Variants in EEFSEC observed in about 807,000 individuals in gnomAD.
The protein encoded by EEFSEC is selenocysteine-specific elongation factor.
A neutral mutation model predicts 42.1 loss-of-function variants in EEFSEC; 43 were observed. That is an observed-to-expected ratio of 1.02 (90% CI 0.80 to 1.32). The LOEUF (loss-of-function observed/expected upper bound fraction) is 1.32. Among genes scored for constraint, EEFSEC ranks in the 40% most tolerant of loss-of-function variants. EEFSEC has a pLI of 0.00. For synonymous variants in EEFSEC, 354 were observed against 339.1 expected (o/e 1.04, Z -0.48); for missense variants, 745 against 803.6 (o/e 0.93, Z 0.88).
intron 4 of EEFSEC, among the ~76,000 whole-genome samples, chr3:128,325,671 C>T (rs1056782999): frequency 6.6e-6 from 1 of 152,088 alleles, no homozygotes; most frequent in East Asian, 1.9e-4. Flanking sequence ...TGTGTGATTA[C>T]TTTAGACATT....
downstream of EEFSEC, among the ~76,000 whole-genome samples, chr3:128,412,319 G>A (rs922328215): frequency 6.6e-6 from 1 of 152,256 alleles, no homozygotes; most frequent in African/African-American, 2.4e-5. Context: ...TCACTCTGGA[G>A]TTGGTCCCGG....
At chr3:128,409,050 G>A (rs917414829), downstream of EEFSEC, among the ~76,000 whole-genome samples, 2 of 152,190 alleles carry the variant, frequency 1.3e-5, no homozygotes, top group African/African-American at 4.8e-5. Flanking sequence ...CTAGCATGGT[G>A]AGGGCACCCT....
intron 1 of EEFSEC, among the ~76,000 whole-genome samples, chr3:128,160,804 G>A (rs1443344909): frequency 1.3e-5 from 2 of 151,878 alleles, no homozygotes; most frequent in African/African-American, 4.8e-5. Flanking sequence ...ACACACACGC[G>A]CGCACACACA....
chr3:128,304,509 G>A lies in EEFSEC; in HGVS notation c.787-36724G>A, dbSNP rs151060766. On this transcript the variant is annotated intron_variant, in intron 4 of 6. Coordinates refer to ENST00000254730, the MANE Select transcript of EEFSEC (RefSeq NM_021937.5). ...CCGCCACCTTCCCAAAACAGACTTC[G>A]GTATTGTTTTTATTGTCTTTTCCGT... is the stretch of plus-strand genomic sequence containing the variant. 4.9e-4 allele frequency among the ~76,000 whole-genome samples: 74 copies of A among 151,782 alleles called. No homozygotes were observed. In the East Asian group the frequency reaches 0.012, roughly 25 times the overall value.
At chr3:128,424,208 C>T in the EEFSEC span, among the ~76,000 whole-genome samples, 2 of 152,238 alleles carry the variant, frequency 1.3e-5, no homozygotes, top group South Asian at 2.1e-4. Flanking sequence ...CCTACACCAG[C>T]AGGCTGGGTG....
At chr3:128,252,504 T>A (rs2066197445) in intron 2 of EEFSEC, among the ~76,000 whole-genome samples, 2 of 152,168 alleles carry the variant, frequency 1.3e-5, no homozygotes, top group African/African-American at 4.8e-5. Flanking sequence ...GGCACTGTAC[T>A]AGGGGTTTCG....
intron 2 of EEFSEC, among the ~76,000 whole-genome samples, chr3:128,256,406 A>T (rs746384081): frequency 1.3e-5 from 2 of 152,376 alleles, no homozygotes; most frequent in African/African-American, 4.8e-5. Context: ...TGCCTTAAAC[A>T]TAATATTTTA....
At chr3:128,264,888 G>A (rs2066337191) in intron 4 of EEFSEC, 107 bp downstream of exon 4, 1 of 1,346,590 alleles carries the variant, frequency 7.4e-7, no homozygotes, top group Non-Finnish European at 1.0e-6. Flanking sequence ...CCTGCCCTGG[G>A]ACTCCCACTG....
chr3:128,214,731 T>G (rs1203263811), intron 1 of EEFSEC, among the ~76,000 whole-genome samples: 3 of 152,220 alleles, frequency 2.0e-5, no homozygotes, highest in Non-Finnish European at 4.4e-5. Context: ...ATTAATGATG[T>G]ATGATAGGAT....
chr3:128,244,480 T>G (rs2107893863), intron 1 of EEFSEC, among the ~76,000 whole-genome samples: 1 of 151,986 alleles, frequency 6.6e-6, no homozygotes, highest in African/African-American at 2.4e-5. Context: ...TCTTTTTTTT[T>G]TTTTTTTCCA....
intron 1 of EEFSEC, among the ~76,000 whole-genome samples, chr3:128,217,751 T>G (rs2065824657): frequency 6.6e-6 from 1 of 152,246 alleles, no homozygotes; most frequent in East Asian, 1.9e-4. Flanking sequence ...CCACACTTGC[T>G]GTGATTATTG....
intron 1 of EEFSEC, among the ~76,000 whole-genome samples, chr3:128,202,463 T>C (rs1208327836): frequency 2.6e-5 from 4 of 152,238 alleles, no homozygotes; most frequent in Non-Finnish European, 5.9e-5. Flanking sequence ...GCTAATATAT[T>C]AACATAATTA....
chr3:128,335,294 T>C (rs1334870859), intron 4 of EEFSEC, among the ~76,000 whole-genome samples: 1 of 152,128 alleles, frequency 6.6e-6, no homozygotes, highest in Non-Finnish European at 1.5e-5. Context: ...GTTGGGAAGC[T>C]CTATGATGAA....
chr3:128,164,847 C>G (rs754188623), intron 1 of EEFSEC, among the ~76,000 whole-genome samples: 3 of 152,126 alleles, frequency 2.0e-5, no homozygotes, highest in Non-Finnish European at 4.4e-5. Context: ...AGTGAGCTCC[C>G]TGAGTCTGAG....
Position 128,341,750 on chromosome 3 carries a change from C to G in EEFSEC, c.1304C>G (p.Ala435Gly). The G allele has an allele frequency of 6.2e-7, 1 of 1,614,086 alleles. No individual in the cohort carries two copies. Among genetic ancestry groups the G allele is most frequent in the South Asian group, 1.1e-5 (1 of 91,080 alleles). Residue 435 changes from alanine (A) to glycine (G), a missense_variant, in exon 5 of 7, where the codon GCG becomes GGG. Coordinates refer to ENST00000254730, the MANE Select transcript of EEFSEC (RefSeq NM_021937.5). Reference protein sequence around the residue: ...LCLVIGSRLDADIHTNTCRLA... With the variant: ...LCLVIGSRLDGDIHTNTCRLA... The stretch of plus-strand genomic sequence containing the variant: ...CTGGTGATTGGCTCCAGGCTAGATG[C>G]GGACATTCACACCAACACGTGCCGG...
chr3:128,264,728 A>G lies in EEFSEC; in HGVS notation c.733A>G (p.Ile245Val). The stretch of plus-strand genomic sequence containing the variant: ...CCAAGGCACTGTGATGACAGGGACC[A>G]TCCTTTCAGGCTCCATCAGCCTCGG... Reference protein sequence around the residue: ...KGQGTVMTGTILSGSISLGDS... With the variant: ...KGQGTVMTGTVLSGSISLGDS... Residue 245 changes from isoleucine to valine, a missense_variant, in exon 4 of 7, where the codon ATC becomes GTC. Transcript: ENST00000254730. The G allele has an allele frequency of 6.2e-7, 1 of 1,614,112 alleles. No homozygotes were observed. Among genetic ancestry groups the G allele is most frequent in the South Asian group, 1.1e-5 (1 of 91,076 alleles).
At chr3:128,396,621 G>C (rs901516785) in intron 6 of EEFSEC, among the ~76,000 whole-genome samples, 18 of 152,176 alleles carry the variant, frequency 1.2e-4, no homozygotes, top group African/African-American at 4.3e-4. Flanking sequence ...TACTGGGCAT[G>C]AGGCTGTGGT....
intron 1 of EEFSEC, among the ~76,000 whole-genome samples, chr3:128,218,578 T>C (rs1255500842): frequency 6.6e-6 from 1 of 152,232 alleles, no homozygotes; most frequent in East Asian, 1.9e-4. Context: ...TTTGGTATGT[T>C]TCCAGAGGCT....
downstream of EEFSEC, among the ~76,000 whole-genome samples, chr3:128,413,501 G>C (rs1389777946): frequency 6.6e-6 from 1 of 152,180 alleles, no homozygotes; most frequent in Non-Finnish European, 1.5e-5. Context: ...AAAGGAGGCT[G>C]TCGGGCCGGC....
Sources: allele counts gnomAD v4.1 joint callset (sites outside exome capture counted in the v4.1 genomes callset), GRCh38; gene constraint gnomAD v4.1.1; transcripts MANE v1.5; gene names NCBI Gene and HGNC (gene_info 2026-07-23, HGNC 2026-07-21).